The following OR56A3 variants were observed in gnomAD, a reference collection of about 807,000 sequenced individuals.
The protein encoded by OR56A3 is olfactory receptor 56A3.
A neutral mutation model predicts 17.5 loss-of-function variants in OR56A3; 23 were observed. That is an observed-to-expected ratio of 1.32 (90% CI 0.95 to 1.87). The LOEUF (loss-of-function observed/expected upper bound fraction) is 1.87. OR56A3 is among the 40% of genes most tolerant of loss of function. The pLI is 0.00. For missense variants in OR56A3, 366 were observed against 380.1 expected (o/e 0.96, Z 0.31); for synonymous variants, 175 against 150.6 (o/e 1.16, Z -1.19).
the OR56A3 span, among the ~76,000 whole-genome samples, chr11:5,980,704 G>T: frequency 6.6e-6 from 1 of 152,032 alleles, no homozygotes; most frequent in Admixed American, 6.5e-5. Flanking sequence ...AATATATGCA[G>T]ATTTGATCCT....
chr11:6,020,024 C>A, the OR56A3 span: 5 of 152,184 alleles, frequency 3.3e-5, no homozygotes, highest in South Asian at 1.0e-3. Flanking sequence ...AATGTAAGAG[C>A]TCTAGTGACT....
chr11:5,981,135 G>C, the OR56A3 span, among the ~76,000 whole-genome samples: 2 of 152,156 alleles, frequency 1.3e-5, no homozygotes, highest in African/African-American at 4.8e-5. Context: ...TGGTGAATAT[G>C]TGTCTTGAGG....
chr11:6,011,852 A>C, the OR56A3 span, among the ~76,000 whole-genome samples: 1 of 152,196 alleles, frequency 6.6e-6, no homozygotes, highest in Non-Finnish European at 1.5e-5. Flanking sequence ...TGCCACGGGC[A>C]GACAGATTCA....
chr11:5,982,331 G>A, the OR56A3 span, among the ~76,000 whole-genome samples: 1 of 152,304 alleles, frequency 6.6e-6, no homozygotes, highest in South Asian at 2.1e-4. Context: ...GGGTGTCAAT[G>A]TCTGCATGAC....
chr11:5,946,903 T>G (rs1847873249), intron 2 of OR56A3, among the ~76,000 whole-genome samples: 1 of 152,202 alleles, frequency 6.6e-6, no homozygotes, highest in Non-Finnish European at 1.5e-5. Flanking sequence ...GGCTCTGCTA[T>G]TTATTTGAGC....
At chr11:6,000,478 G>C in the OR56A3 span, 1 of 152,148 alleles carries the variant, frequency 6.6e-6, no homozygotes, top group Non-Finnish European at 1.5e-5. Flanking sequence ...TAGGGGGAGT[G>C]GGGAGGGATA....
chr11:5,945,514 G>A (rs1054471462), intron 2 of OR56A3, among the ~76,000 whole-genome samples: 9 of 151,008 alleles, frequency 6.0e-5, no homozygotes, highest in Non-Finnish European at 1.3e-4. Flanking sequence ...CCTGGGAGGC[G>A]GAGGTTGCAG....
At chr11:6,014,320 G>A in the OR56A3 span, among the ~76,000 whole-genome samples, 1 of 152,212 alleles carries the variant, frequency 6.6e-6, no homozygotes, top group Non-Finnish European at 1.5e-5. Context: ...CCTGGTGGGA[G>A]ACGATTGACT....
At chr11:5,952,633 T>A (rs1429464358), downstream of OR56A3, among the ~76,000 whole-genome samples, 1 of 150,322 alleles carries the variant, frequency 6.7e-6, no homozygotes, top group Non-Finnish European at 1.5e-5. Flanking sequence ...TATATTCTAG[T>A]GAGAAATAAA....
chr11:5,964,963 T>C, the OR56A3 span, among the ~76,000 whole-genome samples: 2 of 152,314 alleles, frequency 1.3e-5, no homozygotes, highest in East Asian at 1.9e-4. Context: ...TTTCTTATCA[T>C]TATCTTAAAA....
chr11:5,965,691 C>T, the OR56A3 span, among the ~76,000 whole-genome samples: 161 of 152,272 alleles, frequency 1.1e-3, no homozygotes, highest in African/African-American at 3.7e-3. Flanking sequence ...TAAAACTCTT[C>T]ACCAGACTCA....
At chr11:5,971,294 G>A in the OR56A3 span, among the ~76,000 whole-genome samples, 1 of 152,322 alleles carries the variant, frequency 6.6e-6, no homozygotes, top group East Asian at 1.9e-4. Flanking sequence ...CACCAAGGCA[G>A]AAAATATCCC....
the OR56A3 span, among the ~76,000 whole-genome samples, chr11:5,978,952 T>G: frequency 1.3e-5 from 2 of 152,136 alleles, no homozygotes; most frequent in Admixed American, 6.5e-5. Flanking sequence ...TCAAAAGACT[T>G]TTCTGTCTAT....
chr11:5,968,039 C>A, the OR56A3 span: 1 of 1,603,592 alleles, frequency 6.2e-7, no homozygotes, highest in Non-Finnish European at 8.5e-7. Context: ...CATTCCTGGC[C>A]ACAACAAAGA....
the OR56A3 span, among the ~76,000 whole-genome samples, chr11:5,977,735 T>G: frequency 1.3e-5 from 2 of 152,218 alleles, no homozygotes; most frequent in Admixed American, 1.3e-4. Flanking sequence ...CACCTGTCTA[T>G]TTTTGATTTG....
In OR56A3 at chr11:5,948,625, A is replaced by G. The variant is rs1847889433; in HGVS notation, c.*331A>G. 1 of 239,714 alleles carries G rather than the reference A, an allele frequency of 4.2e-6. No homozygotes were observed. The highest frequency in any genetic ancestry group is 8.5e-5 in the East Asian group (1 of 11,834). The allele number at this position is 239,714 out of a possible 1,614,324, so 14.8% of individuals were successfully genotyped here. ...TGTCATGAATTTTGTATCATTAAAA[A>G]TACAACTGCGGTTATTTTGTTGTGT... is the stretch of plus-strand genomic sequence containing the variant. On this transcript the variant is annotated 3_prime_UTR_variant, in exon 3 of 3. Coordinates refer to ENST00000641160, the MANE Select transcript of OR56A3 (RefSeq NM_001003443.3).
downstream of OR56A3, among the ~76,000 whole-genome samples, chr11:5,955,377 C>A (rs2134368532): frequency 6.6e-6 from 1 of 152,198 alleles, no homozygotes; most frequent in South Asian, 2.1e-4. Context: ...TTATTATTAG[C>A]AGTGGAGAAT....
At position 5,949,319 on chromosome 11, in the gene OR56A3, A is replaced by G. The variant is rs1234993453; in HGVS notation, c.*1025A>G. ...TCTTCTAAACTGTAGAGCAGTGAGGAATGGGATAAAAGATATGTATGGGCA... is the reference window on the plus strand; with the variant it reads ...TCTTCTAAACTGTAGAGCAGTGAGGGATGGGATAAAAGATATGTATGGGCA... On this transcript the variant is annotated 3_prime_UTR_variant, in exon 3 of 3. Transcript: ENST00000641160. 1 of 152,224 alleles carries G rather than the reference A, an allele frequency of 6.6e-6. No homozygotes were observed. The allele number at this position is 152,224 out of a possible 1,614,324, so 9.4% of individuals were successfully genotyped here. A position where few individuals can be genotyped will look rare whatever the true frequency, so the allele number is the denominator to read the frequency against.
At chr11:6,012,364 T>C in the OR56A3 span, among the ~76,000 whole-genome samples, 1 of 152,250 alleles carries the variant, frequency 6.6e-6, no homozygotes, top group East Asian at 1.9e-4. Flanking sequence ...AAATTGTCAG[T>C]TGTCAGCAGA....
Sources: gnomAD v4.1 joint callset for allele counts (sites outside exome capture counted in the v4.1 genomes callset) on GRCh38, gnomAD v4.1.1 for gene constraint, MANE v1.5 for transcripts, NCBI Gene and HGNC (gene_info 2026-07-23, HGNC 2026-07-21) for gene names.